GALR3: variants seen among roughly 807,000 people sequenced by gnomAD.
GALR3 encodes the protein galanin receptor 3.
Under a neutral mutation model 6.9 loss-of-function variants are expected in GALR3, and 5 were observed. The observed-to-expected ratio is 0.72, with a 90% CI of 0.38 to 1.52. The LOEUF (loss-of-function observed/expected upper bound fraction) is 1.52, where lower values mean the gene tolerates loss of function less well. GALR3 is among the 40% of genes most tolerant of loss of function. GALR3 has a pLI of 0.03. For missense variants in GALR3, 570 were observed against 545.6 expected, an observed-to-expected ratio of 1.04 and a Z score of -0.44; for synonymous variants, 308 against 263.6, an observed-to-expected ratio of 1.17 and a Z score of -1.63.
chr22:37,824,415 C>T (rs1922533514), intron 1 of GALR3, among the ~76,000 whole-genome samples: 1 of 152,174 alleles, frequency 6.6e-6, no homozygotes, highest in Non-Finnish European at 1.5e-5. Flanking sequence ...GTGCACACAT[C>T]TGCTTCCACA....
chr22:37,825,082 T>C lies in GALR3; in HGVS notation c.719T>C (p.Val240Ala), dbSNP rs748119282. 15 of 1,178,534 alleles carry C rather than the reference T, an allele frequency of 1.3e-5. No homozygotes were observed. Among genetic ancestry groups the C allele is most frequent in the Admixed American group, 8.3e-5 (2 of 24,048 alleles). The allele number at this position is 1,178,534 out of a possible 1,614,324, so 73.0% of individuals were successfully genotyped here. Reference protein sequence around the residue: ...TGRAGRAMLAVAALYALCWGP... With the variant: ...TGRAGRAMLAAAALYALCWGP... ...CGCGCGGGGCGCGCCATGCTGGCGG[T>C]GGCCGCGCTCTACGCGCTCTGCTGG... The change falls in exon 2 of 2, where the codon GTG becomes GCG. Residue 240 changes from valine (V) to alanine (A), a missense_variant. Physicochemically the swap from Val to Ala is moderately conservative, Grantham distance 64. Coordinates refer to ENST00000249041, the MANE Select transcript of GALR3 (RefSeq NM_003614.2).
At position 37,825,245 on chromosome 22, in the gene GALR3, C is replaced by G. The variant is rs544137614; in HGVS notation, c.882C>G (p.Ala294=). ...TCAACCCGCTCGTCTACGCGCTCGC[C>G]TCGCGCCACTTCCGCGCGCGCTTCC... is the stretch of plus-strand genomic sequence containing the variant. ...SCLNPLVYAL[A]SRHFRARFRR... The change falls in exon 2 of 2, where the codon GCC becomes GCG. Residue 294 remains alanine (A), a synonymous_variant. Coordinates refer to ENST00000249041, the MANE Select transcript of GALR3 (RefSeq NM_003614.2). 1.8e-4 allele frequency: 265 copies of G among 1,444,076 alleles called. 2 individuals carry two copies. The South Asian group carries it at 3.4e-3, about 18-fold the overall frequency. 89.5% of individuals were successfully genotyped at this position (1,444,076 alleles called of 1,614,324 possible).
rs746506440 is a variant in GALR3 at position 37,823,548 on chromosome 22, A to G, written c.142A>G (p.Ser48Gly). Reference protein sequence around the residue: ...VLAVLLQPGPSAWQEPGSTTD... With the variant: ...VLAVLLQPGPGAWQEPGSTTD... ...GGCAGTGCTCCTGCAGCCTGGCCCGAGTGCCTGGCAGGAGCCTGGCAGCAC... is the reference window on the plus strand; with the variant it reads ...GGCAGTGCTCCTGCAGCCTGGCCCGGGTGCCTGGCAGGAGCCTGGCAGCAC... Residue 48 changes from serine to glycine, a missense_variant, in exon 1 of 2, where the codon AGT (serine) becomes GGT (glycine). Transcript: ENST00000249041. 2 of 1,337,976 alleles carry G rather than the reference A, an allele frequency of 1.5e-6. No individual in the cohort carries two copies. The highest frequency in any genetic ancestry group is 2.0e-6 in the Non-Finnish European group (2 of 980,044). The allele number at this position is 1,337,976 out of a possible 1,614,324, so 82.9% of individuals were successfully genotyped here.
Position 37,825,060 on chromosome 22 carries a change from G to C in GALR3, c.697G>C (p.Ala233Pro). The C allele has an allele frequency of 5.3e-6, 6 of 1,136,174 alleles. No homozygotes were observed. The highest frequency in any genetic ancestry group is 6.5e-6 in the Non-Finnish European group (6 of 926,306). The allele number at this position is 1,136,174 out of a possible 1,614,324, so 70.4% of individuals were successfully genotyped here. A position where few individuals can be genotyped will look rare whatever the true frequency, so the allele number is the denominator to read the frequency against. The change falls in exon 2 of 2, where the codon GCG becomes CCG. Residue 233 changes from alanine (A) to proline (P), a missense_variant. Coordinates refer to ENST00000249041, the MANE Select transcript of GALR3 (RefSeq NM_003614.2). Reference protein sequence around the residue: ...AEARRRATGRAGRAMLAVAAL... With the variant: ...AEARRRATGRPGRAMLAVAAL... ...GGCGCGGCGGAGGGCGACGGGCCGC[G>C]CGGGGCGCGCCATGCTGGCGGTGGC... is the stretch of plus-strand genomic sequence containing the variant.
At chr22:37,824,554 T>C (rs1409446377) in intron 1 of GALR3, among the ~76,000 whole-genome samples, 169 bp from the exon 2 acceptor site, 2 of 152,042 alleles carry the variant, frequency 1.3e-5, no homozygotes, top group African/African-American at 2.4e-5. Flanking sequence ...GATCGGGCCC[T>C]TGCTAGGTGC....
chr22:37,823,514 G>C lies in GALR3; in HGVS notation c.108G>C (p.Gly36=). The change falls in exon 1 of 2, where the codon GGG becomes GGC. Residue 36 remains glycine, a synonymous_variant. Transcript: ENST00000249041. ...TCCTGCTGGGCACAGTGGGCAATGG[G>C]CTGGTGCTGGCAGTGCTCCTGCAGC... ...LIFLLGTVGN[G]LVLAVLLQPG... 1.9e-6 allele frequency: 3 copies of C among 1,614,022 alleles called. No individual in the cohort carries two copies. Among genetic ancestry groups the C allele is most frequent in the Non-Finnish European group, 2.5e-6 (3 of 1,179,952 alleles).
chr22:37,824,827 C>A lies in GALR3; in HGVS notation c.464C>A (p.Ala155Glu). The A allele has an allele frequency of 1.4e-6, 2 of 1,407,546 alleles. No individual in the cohort carries two copies. Among genetic ancestry groups the A allele is most frequent in the African/African-American group, 1.5e-5 (1 of 67,856 alleles). 87.2% of individuals were successfully genotyped at this position (1,407,546 alleles called of 1,614,324 possible). ...LVWLLAALFS[A>E]PYLSYYGTVR... ...TGGCTGCTGGCGGCGCTCTTCTCGGCGCCCTACCTCAGCTACTACGGCACC... is the reference window on the plus strand; with the variant it reads ...TGGCTGCTGGCGGCGCTCTTCTCGGAGCCCTACCTCAGCTACTACGGCACC... Residue 155 changes from alanine to glutamate, a missense_variant, in exon 2 of 2, where the codon GCG (alanine) becomes GAG (glutamate). Ala to Glu is a moderately radical substitution (Grantham distance 107). Transcript: ENST00000249041.
chr22:37,823,422 A>G lies in GALR3; in HGVS notation c.16A>G (p.Asn6Asp), dbSNP rs1229427831. 1 of 1,588,978 alleles carries G rather than the reference A, an allele frequency of 6.3e-7. No homozygotes were observed. Among genetic ancestry groups the G allele is most frequent in the South Asian group, 1.1e-5 (1 of 88,958 alleles). Reference sequence around the variant, plus strand: ...TGATGGGGAGATGGCTGATGCCCAGAACATTTCACTGGACAGCCCAGGGAG... The same window carrying G: ...TGATGGGGAGATGGCTGATGCCCAGGACATTTCACTGGACAGCCCAGGGAG... MADAQNISLDSPGSVG... is the reference protein window; with the variant it reads MADAQDISLDSPGSVG... Residue 6 changes from asparagine (N) to aspartate (D), a missense_variant, in exon 1 of 2, where the codon AAC becomes GAC. Transcript: ENST00000249041.
rs772554480 is a variant in GALR3, at chr22:37,823,481, C to T, written c.75C>T (p.Ala25=). The T allele has an allele frequency of 3.7e-6, 6 of 1,613,942 alleles. No individual in the cohort carries two copies. Among genetic ancestry groups the T allele is most frequent in the Non-Finnish European group, 4.2e-6 (5 of 1,179,870 alleles). ...CCGTGGCAGTGCCTGTGGTCTTTGC[C>T]CTAATCTTCCTGCTGGGCACAGTGG... ...VGAVAVPVVF[A]LIFLLGTVGN... is the part of the protein sequence containing the mutation. Residue 25 remains alanine, a synonymous_variant, in exon 1 of 2, where the codon GCC becomes GCT. Coordinates refer to ENST00000249041, the MANE Select transcript of GALR3 (RefSeq NM_003614.2).
chr22:37,823,882 G>A (rs909167995), intron 1 of GALR3, 117 bp downstream of exon 1: 9 of 647,952 alleles, frequency 1.4e-5, no homozygotes, highest in African/African-American at 1.3e-4. Context: ...AGAAAGGGAG[G>A]TGGGTGGGAG....
chr22:37,825,359 C>A lies in GALR3; in HGVS notation c.996C>A (p.Gly332=). The A allele has an allele frequency of 7.4e-7, 1 of 1,349,322 alleles. No homozygotes were observed. Among genetic ancestry groups the A allele is most frequent in the Non-Finnish European group, 9.6e-7 (1 of 1,046,358 alleles). The allele number at this position is 1,349,322 out of a possible 1,614,324, so 83.6% of individuals were successfully genotyped here. A position where few individuals can be genotyped will look rare whatever the true frequency, so the allele number is the denominator to read the frequency against. The change falls in exon 2 of 2, where the codon GGC becomes GGA. Residue 332 remains glycine, a synonymous_variant. Transcript: ENST00000249041. ...RVRPASSGPP[G]CPGDARPSGR... is the part of the protein sequence containing the mutation. ...GCCCCGCGTCCTCGGGCCCACCCGG[C>A]TGCCCCGGAGACGCCCGGCCTAGCG...
chr22:37,824,757 G>T lies in GALR3; in HGVS notation c.394G>T (p.Ala132Ser). 2 of 1,260,598 alleles carry T rather than the reference G, an allele frequency of 1.6e-6. No individual in the cohort carries two copies. Among genetic ancestry groups the T allele is most frequent in the Non-Finnish European group, 2.0e-6 (2 of 1,005,304 alleles). The allele number at this position is 1,260,598 out of a possible 1,614,324, so 78.1% of individuals were successfully genotyped here. Residue 132 changes from alanine to serine, a missense_variant, in exon 2 of 2, where the codon GCC becomes TCC. Coordinates refer to ENST00000249041, the MANE Select transcript of GALR3 (RefSeq NM_003614.2). ...CGTGCGGCACCCGCTGCGCTCGCGC[G>T]CCCTGCGCACGCCGCGTAACGCCCG... ...LAVRHPLRSR[A>S]LRTPRNARAA...
chr22:37,823,556 GC>G lies in GALR3; in HGVS notation c.151del (p.Gln51ArgfsTer150). The stretch of plus-strand genomic sequence containing the variant: ...TCCTGCAGCCTGGCCCGAGTGCCTG[GC>G]AGGAGCCTGGCAGCACCACGGACCT... The part of the protein sequence containing the change: ...VLLQPGPSAW[Q>X]EPGSTTDLFI... On this transcript the variant is annotated frameshift_variant, in exon 1 of 2. Transcript: ENST00000249041. LOFTEE classifies it high-confidence loss of function. 1 of 1,611,660 alleles carries G rather than the reference GC, an allele frequency of 6.2e-7. No individual in the cohort carries two copies. Among genetic ancestry groups the G allele is most frequent in the Non-Finnish European group, 8.5e-7 (1 of 1,178,808 alleles).
At position 37,825,298 on chromosome 22, in the gene GALR3, G is replaced by A; in HGVS notation, c.935G>A (p.Arg312His). Residue 312 changes from arginine (R) to histidine (H), a missense_variant, in exon 2 of 2, where the codon CGC (arginine) becomes CAC (histidine). By Grantham distance (29) the Arg-to-His change is conservative. Transcript: ENST00000249041. ...FRRLWPCGRR[R>H]RHRARRALRR... The stretch of plus-strand genomic sequence containing the variant: ...CGCCTGTGGCCGTGCGGCCGCCGAC[G>A]CCGCCACCGTGCCCGCCGCGCCTTG... 1 of 1,256,368 alleles carries A rather than the reference G, an allele frequency of 8.0e-7. No individual in the cohort carries two copies. Among genetic ancestry groups the A allele is most frequent in the Middle Eastern group, 2.2e-4 (1 of 4,468 alleles). 77.8% of individuals were successfully genotyped at this position (1,256,368 alleles called of 1,614,324 possible).
At position 37,823,726 on chromosome 22, in the gene GALR3, A is replaced by G; in HGVS notation, c.320A>G (p.Tyr107Cys). ...CACCTGCTCATCTACCTCACCATGT[A>G]CGCCAGCAGCTTTACGCTGGCTGCT... ...AVHLLIYLTM[Y>C]ASSFTLAAVS... Residue 107 changes from tyrosine to cysteine, a missense_variant, in exon 1 of 2, where the codon TAC becomes TGC. Coordinates refer to ENST00000249041, the MANE Select transcript of GALR3 (RefSeq NM_003614.2). 1 of 1,612,222 alleles carries G rather than the reference A, an allele frequency of 6.2e-7. No individual in the cohort carries two copies. Among genetic ancestry groups the G allele is most frequent in the Non-Finnish European group, 8.5e-7 (1 of 1,179,308 alleles).
chr22:37,825,282 C>A lies in GALR3; in HGVS notation c.919C>A (p.Pro307Thr). 1 of 1,300,452 alleles carries A rather than the reference C, an allele frequency of 7.7e-7. No individual in the cohort carries two copies. Among genetic ancestry groups the A allele is most frequent in the Admixed American group, 3.5e-5 (1 of 28,404 alleles). 80.6% of individuals were successfully genotyped at this position (1,300,452 alleles called of 1,614,324 possible). Reference protein sequence around the residue: ...HFRARFRRLWPCGRRRRHRAR... With the variant: ...HFRARFRRLWTCGRRRRHRAR... Reference sequence around the variant, plus strand: ...CCGCGCGCGCTTCCGCCGCCTGTGGCCGTGCGGCCGCCGACGCCGCCACCG... The same window carrying A: ...CCGCGCGCGCTTCCGCCGCCTGTGGACGTGCGGCCGCCGACGCCGCCACCG... The change falls in exon 2 of 2, where the codon CCG becomes ACG. Residue 307 changes from proline (P) to threonine (T), a missense_variant. Coordinates refer to ENST00000249041, the MANE Select transcript of GALR3 (RefSeq NM_003614.2).
At position 37,825,287 on chromosome 22, in the gene GALR3, C is replaced by A; in HGVS notation, c.924C>A (p.Cys308Ter). Residue 308 changes from cysteine to a stop codon, truncating the protein, a stop_gained, in exon 2 of 2, where the codon TGC (cysteine) becomes TGA (stop). Coordinates refer to ENST00000249041, the MANE Select transcript of GALR3 (RefSeq NM_003614.2). LOFTEE classifies it low-confidence loss of function (END_TRUNC). The stretch of plus-strand genomic sequence containing the variant: ...CGCGCTTCCGCCGCCTGTGGCCGTG[C>A]GGCCGCCGACGCCGCCACCGTGCCC... ...FRARFRRLWP[C>*]GRRRRHRARR... 7.8e-7 allele frequency: 1 copy of A among 1,276,228 alleles called. No individual in the cohort carries two copies. The highest frequency in any genetic ancestry group is 9.9e-7 in the Non-Finnish European group (1 of 1,011,938). 79.1% of individuals were successfully genotyped at this position (1,276,228 alleles called of 1,614,324 possible).
Position 37,824,746 on chromosome 22 carries a change from T to C in GALR3, c.383T>C (p.Leu128Pro). The change falls in exon 2 of 2, where the codon CTG (leucine) becomes CCG (proline). Residue 128 changes from leucine to proline, a missense_variant. Coordinates refer to ENST00000249041, the MANE Select transcript of GALR3 (RefSeq NM_003614.2). The part of the protein sequence containing the change: ...VDRYLAVRHP[L>P]RSRALRTPRN... ...AGGTACCTGGCCGTGCGGCACCCGC[T>C]GCGCTCGCGCGCCCTGCGCACGCCG... 1.6e-6 allele frequency: 2 copies of C among 1,239,300 alleles called. No individual in the cohort carries two copies. 76.8% of individuals were successfully genotyped at this position (1,239,300 alleles called of 1,614,324 possible).
chr22:37,823,585 T>A lies in GALR3; in HGVS notation c.179T>A (p.Phe60Tyr). Residue 60 changes from phenylalanine to tyrosine, a missense_variant, in exon 1 of 2, where the codon TTC (phenylalanine) becomes TAC (tyrosine). Coordinates refer to ENST00000249041, the MANE Select transcript of GALR3 (RefSeq NM_003614.2). ...WQEPGSTTDL[F>Y]ILNLAVADLC... is the part of the protein sequence containing the mutation. The stretch of plus-strand genomic sequence containing the variant: ...GAGCCTGGCAGCACCACGGACCTGT[T>A]CATCCTCAACCTGGCGGTGGCTGAC... 2 of 1,614,140 alleles carry A rather than the reference T, an allele frequency of 1.2e-6. No homozygotes were observed. The highest frequency in any genetic ancestry group is 2.2e-5 in the South Asian group (2 of 91,082).
Sources: allele counts gnomAD v4.1 joint callset (sites outside exome capture counted in the v4.1 genomes callset), GRCh38; gene constraint gnomAD v4.1.1; transcripts MANE v1.5; gene names NCBI Gene and HGNC (gene_info 2026-07-23, HGNC 2026-07-21).